BLK: variants seen among roughly 807,000 people sequenced by gnomAD.
BLK encodes BLK proto-oncogene, Src family tyrosine kinase.
A neutral mutation model predicts 61.8 loss-of-function variants in BLK; 64 were observed. That is an observed-to-expected ratio of 1.03 (90% CI 0.85 to 1.27). The LOEUF is 1.27. Among genes scored for constraint, BLK ranks in the 50% most tolerant of loss-of-function variants. The pLI, the probability that BLK is intolerant of heterozygous loss-of-function variation, is 0.00. For missense variants in BLK, 853 were observed against 660.5 expected (o/e 1.29, Z -3.19); for synonymous variants, 351 against 272.0 (o/e 1.29, Z -2.86).
chr8:11,503,153 G>C (rs1175571538), intron 1 of BLK, among the ~76,000 whole-genome samples: 1 of 152,210 alleles, frequency 6.6e-6, no homozygotes, highest in Non-Finnish European at 1.5e-5. Flanking sequence ...GATGCTTGAG[G>C]TTGTTCAAGT....
intron 1 of BLK, among the ~76,000 whole-genome samples, chr8:11,504,383 A>C (rs1798686781): frequency 1.7e-5 from 1 of 58,854 alleles, no homozygotes; most frequent in Non-Finnish European, 5.9e-5. Context: ...AAAGAAAAGA[A>C]AAGAAAAGAA....
chr8:11,508,196 G>T (rs973450913), intron 1 of BLK, among the ~76,000 whole-genome samples: 1 of 152,194 alleles, frequency 6.6e-6, no homozygotes. Flanking sequence ...ATTAACCACC[G>T]CCTCTGCCAC....
In BLK at chr8:11,511,737, T is replaced by C. The variant is rs535934868; in HGVS notation, c.-2+17146T>C. On this transcript the variant is annotated intron_variant, in intron 1 of 12. Transcript: ENST00000259089. ...TCATGCAACAAAAAGGAGAAAATTA[T>C]ATTTTCATTTTGGGCGTCTTAGATG... Among the ~76,000 whole-genome samples, 4 of 152,348 alleles carry C rather than the reference T, an allele frequency of 2.6e-5. No homozygotes were observed. In the East Asian group the frequency reaches 7.7e-4, roughly 29 times the overall value.
chr8:11,506,130 G>A (rs1271347837), intron 1 of BLK, among the ~76,000 whole-genome samples: 2 of 152,218 alleles, frequency 1.3e-5, no homozygotes, highest in African/African-American at 4.8e-5. Flanking sequence ...GGAGAGCTGA[G>A]TGCTTTTCCT....
At chr8:11,499,785 T>A (rs190833278) in intron 1 of BLK, among the ~76,000 whole-genome samples, 2 of 152,306 alleles carry the variant, frequency 1.3e-5, no homozygotes, top group Non-Finnish European at 2.9e-5. Context: ...TAGAACCCAA[T>A]TTGCATCTAA....
chr8:11,510,089 G>A (rs1465131043), intron 1 of BLK, among the ~76,000 whole-genome samples: 1 of 152,134 alleles, frequency 6.6e-6, no homozygotes, highest in Non-Finnish European at 1.5e-5. Flanking sequence ...CATAGCAGGT[G>A]ATGATTGAAA....
Position 11,550,323 on chromosome 8 carries a change from A to C in BLK, c.472+61A>C, listed in dbSNP as rs1800845365. Reference sequence around the variant, plus strand: ...GCTCCTCCCGGGAAGGCGCCTCCAGAGGCCTGGCCCTGGAGTGAGAGGGGA... The same window carrying C: ...GCTCCTCCCGGGAAGGCGCCTCCAGCGGCCTGGCCCTGGAGTGAGAGGGGA... On this transcript the variant is annotated intron_variant, in intron 6 of 12. Coordinates refer to ENST00000259089, the MANE Select transcript of BLK (RefSeq NM_001715.3). 5 of 1,504,466 alleles carry C rather than the reference A, an allele frequency of 3.3e-6. No homozygotes were observed. The South Asian group carries it at 3.4e-5, about 10-fold the overall frequency. The allele number at this position is 1,504,466 out of a possible 1,614,324, so 93.2% of individuals were successfully genotyped here.
chr8:11,539,780 A>G (rs1399099776), intron 1 of BLK, among the ~76,000 whole-genome samples: 5 of 152,234 alleles, frequency 3.3e-5, no homozygotes, highest in Admixed American at 2.6e-4. Context: ...CTAGAAATGG[A>G]GCGTGAAGGA....
At chr8:11,560,043 A>T (rs1023792030) in intron 10 of BLK, 1 of 342,982 alleles carries the variant, frequency 2.9e-6, no homozygotes, top group African/African-American at 2.2e-5. Flanking sequence ...TATATTTAGT[A>T]CTCAGTTTTA....
chr8:11,560,783 T>C, intron 10 of BLK: 2 of 445,958 alleles, frequency 4.5e-6, no homozygotes, highest in Non-Finnish European at 9.2e-6. Flanking sequence ...CTCAACCCCC[T>C]GCCCTGGAGA....
chr8:11,538,391 C>T (rs1236480004), intron 1 of BLK, among the ~76,000 whole-genome samples: 2 of 152,168 alleles, frequency 1.3e-5, no homozygotes, highest in Non-Finnish European at 2.9e-5. Flanking sequence ...GAACCCAGGT[C>T]TCCAGTCAAA....
chr8:11,548,389 G>A (rs1315819974), intron 4 of BLK, among the ~76,000 whole-genome samples: 1 of 152,172 alleles, frequency 6.6e-6, no homozygotes, highest in African/African-American at 2.4e-5. Context: ...CAGCCCTCCT[G>A]ACTCTTTTGG....
chr8:11,495,344 T>C (rs565343596), intron 1 of BLK, among the ~76,000 whole-genome samples: 4 of 152,288 alleles, frequency 2.6e-5, no homozygotes, highest in Non-Finnish European at 5.9e-5. Flanking sequence ...GATATGTGCA[T>C]ATCCTCCTCC....
At chr8:11,547,627 G>T (rs955655773) in intron 3 of BLK, among the ~76,000 whole-genome samples, 1 of 152,252 alleles carries the variant, frequency 6.6e-6, no homozygotes, top group African/African-American at 2.4e-5. Context: ...AGGCGGGGCA[G>T]AGGAGGAAAA....
intron 1 of BLK, among the ~76,000 whole-genome samples, chr8:11,520,320 T>C (rs935364678): frequency 6.6e-6 from 1 of 151,628 alleles, no homozygotes; most frequent in Non-Finnish European, 1.5e-5. Context: ...CTATAAAATT[T>C]ACAAGAACTA....
intron 1 of BLK, among the ~76,000 whole-genome samples, chr8:11,516,584 TC>T (rs1398793140): frequency 2.0e-5 from 3 of 152,170 alleles, no homozygotes; most frequent in Non-Finnish European, 2.9e-5. Flanking sequence ...TTAAACTAAC[TC>T]CCCGACCCAG....
In BLK at chr8:11,537,218, C is replaced by T. The variant is rs1382565; in HGVS notation, c.-1-6006C>T. Among the ~76,000 whole-genome samples the T allele has an allele frequency of 5.3e-3, 814 of 152,226 alleles. 8 individuals are homozygous for T. Among genetic ancestry groups the T allele is most frequent in the African/African-American group, 0.016 (683 of 41,520 alleles). ...TAATTCAGAGCCATAGGCCAATCACCGTACTTTCTTCATTTACAAGATGAG... is the reference window on the plus strand; with the variant it reads ...TAATTCAGAGCCATAGGCCAATCACTGTACTTTCTTCATTTACAAGATGAG... On this transcript the variant is annotated intron_variant, in intron 1 of 12. Transcript: ENST00000259089.
chr8:11,532,498 G>A (rs1310883067), intron 1 of BLK, among the ~76,000 whole-genome samples: 2 of 151,736 alleles, frequency 1.3e-5, no homozygotes, highest in African/African-American at 2.4e-5. Flanking sequence ...GGCATGAGCC[G>A]CCACTTCTGG....
chr8:11,552,165 G>A (rs1046526081), intron 6 of BLK, among the ~76,000 whole-genome samples: 1 of 152,206 alleles, frequency 6.6e-6, no homozygotes, highest in Non-Finnish European at 1.5e-5. Flanking sequence ...CTGTCCATTG[G>A]TTCCATCTGT....
Sources: gnomAD v4.1 joint callset for allele counts (sites outside exome capture counted in the v4.1 genomes callset) on GRCh38, gnomAD v4.1.1 for gene constraint, MANE v1.5 for transcripts, NCBI Gene and HGNC (gene_info 2026-07-23, HGNC 2026-07-21) for gene names.